SPATA13: variants seen among roughly 807,000 people sequenced by gnomAD.
The protein encoded by SPATA13 is spermatogenesis-associated protein 13.
Under a neutral mutation model 104.0 loss-of-function variants are expected in SPATA13, and 50 were observed. The observed-to-expected ratio is 0.48, with a 90% CI of 0.38 to 0.61. The LOEUF (loss-of-function observed/expected upper bound fraction) is 0.61, where lower values mean the gene tolerates loss of function less well. SPATA13 is among the 20% of genes least tolerant of loss of function. SPATA13 has a pLI of 0.00. For synonymous variants in SPATA13, 606 were observed against 667.5 expected (o/e 0.91, Z 1.42); for missense variants, 1,524 against 1,690.6 (o/e 0.90, Z 1.73).
At chr13:24,246,702 T>C (rs1178367665) in intron 2 of SPATA13, among the ~76,000 whole-genome samples, 2 of 151,916 alleles carry the variant, frequency 1.3e-5, no homozygotes, top group Admixed American at 1.3e-4. Flanking sequence ...TGCTAAAAAA[T>C]GTATATCTAA....
At chr13:24,132,009 G>T (rs1303442402) in intron 3 of SPATA13, among the ~76,000 whole-genome samples, 1 of 152,200 alleles carries the variant, frequency 6.6e-6, no homozygotes, top group African/African-American at 2.4e-5. Context: ...TGTGACCAAG[G>T]TCAGCCAATG....
At chr13:24,292,964 C>G (rs1876496008) in intron 9 of SPATA13, among the ~76,000 whole-genome samples, 1 of 125,274 alleles carries the variant, frequency 8.0e-6, no homozygotes, top group Non-Finnish European at 1.6e-5. Context: ...CCATTGCACT[C>G]CAGCCTGGGT....
rs750076701 is a variant in SPATA13, at chr13:24,222,823, T to C, written c.-107T>C. On this transcript the variant is annotated 5_prime_UTR_variant, in exon 2 of 13. Coordinates refer to ENST00000382108, the MANE Select transcript of SPATA13 (RefSeq NM_001166271.3). ...CTGCTTTGTCTTTCACTGCAGCCCGTGGCCACCCAGGAGCCCGATGTGCAA... is the reference window on the plus strand; with the variant it reads ...CTGCTTTGTCTTTCACTGCAGCCCGCGGCCACCCAGGAGCCCGATGTGCAA... 6.6e-7 allele frequency: 1 copy of C among 1,518,676 alleles called. No homozygotes were observed. Among genetic ancestry groups the C allele is most frequent in the East Asian group, 2.5e-5 (1 of 40,400 alleles). 94.1% of individuals were successfully genotyped at this position (1,518,676 alleles called of 1,614,324 possible).
chr13:24,063,730 T>C (rs576355124), intron 3 of SPATA13, among the ~76,000 whole-genome samples: 72 of 152,248 alleles, frequency 4.7e-4, no homozygotes, highest in South Asian at 1.5e-3. Context: ...GTTTCACCCT[T>C]TATAAAACAA....
chr13:24,032,645 G>C (rs1422121229), intron 3 of SPATA13, among the ~76,000 whole-genome samples: 1 of 152,184 alleles, frequency 6.6e-6, no homozygotes, highest in African/African-American at 2.4e-5. Flanking sequence ...TAAGGCATTA[G>C]AGTTTCAGAA....
intron 4 of SPATA13, among the ~76,000 whole-genome samples, chr13:24,283,022 G>A (rs1325670978): frequency 2.0e-5 from 3 of 152,186 alleles, no homozygotes; most frequent in Admixed American, 1.3e-4. Context: ...AGACCCTTCT[G>A]TGTGCCCCCG....
intron 3 of SPATA13, among the ~76,000 whole-genome samples, chr13:24,120,444 G>A (rs1880998544): frequency 6.6e-6 from 1 of 152,318 alleles, no homozygotes; most frequent in East Asian, 1.9e-4. Context: ...AGCAGCAGTA[G>A]GAGTTAAGTA....
At chr13:24,009,077 C>T in intron 2 of SPATA13, among the ~76,000 whole-genome samples, 1 of 152,150 alleles carries the variant, frequency 6.6e-6, no homozygotes, top group East Asian at 1.9e-4. Flanking sequence ...TGTGGGTACC[C>T]AAGAACTCTG....
chr13:24,197,573 G>C (rs1870134090), intron 1 of SPATA13, among the ~76,000 whole-genome samples: 1 of 152,136 alleles, frequency 6.6e-6, no homozygotes, highest in South Asian at 2.1e-4. Context: ...CTGAAAGATA[G>C]AAATAATTTG....
chr13:24,241,177 AAG>A (rs1385792644), intron 2 of SPATA13, among the ~76,000 whole-genome samples: 1 of 152,250 alleles, frequency 6.6e-6, no homozygotes, highest in East Asian at 1.9e-4. Context: ...GCACATTTGT[AAG>A]AGTGTAGCCC....
rs972030539 is a variant in SPATA13 at position 24,160,791 on chromosome 13, G to A, written c.-253G>A. The A allele has an allele frequency of 2.0e-6, 2 of 985,384 alleles. No homozygotes were observed. The highest frequency in any genetic ancestry group is 3.5e-5 in the African/African-American group (2 of 57,258). The allele number at this position is 985,384 out of a possible 1,614,324, so 61.0% of individuals were successfully genotyped here. ...CCCGCGATCGCCCTGCCGGTCGCTA[G>A]CTCCGAGGGCGCGCACTGGATCCCA... On this transcript the variant is annotated 5_prime_UTR_variant, in exon 1 of 13. Coordinates refer to ENST00000382108, the MANE Select transcript of SPATA13 (RefSeq NM_001166271.3).
chr13:24,163,789 G>A (rs1226003936), intron 1 of SPATA13, among the ~76,000 whole-genome samples: 1 of 152,202 alleles, frequency 6.6e-6, no homozygotes. Flanking sequence ...AGGGCTCAAT[G>A]CCTGGCCCTA....
At chr13:24,192,091 C>A (rs1051799133) in intron 1 of SPATA13, among the ~76,000 whole-genome samples, 2 of 152,140 alleles carry the variant, frequency 1.3e-5, no homozygotes, top group African/African-American at 2.4e-5. Context: ...GCTTCTACCC[C>A]GATCTGTGGC....
At chr13:24,146,499 T>A (rs893896750) in intron 3 of SPATA13, among the ~76,000 whole-genome samples, 1 of 152,208 alleles carries the variant, frequency 6.6e-6, no homozygotes, top group African/African-American at 2.4e-5. Context: ...GGGCGATACA[T>A]AACTAAGTAC....
intron 1 of SPATA13, among the ~76,000 whole-genome samples, chr13:24,168,440 T>G (rs1034868510): frequency 6.6e-6 from 1 of 152,212 alleles, no homozygotes; most frequent in East Asian, 1.9e-4. Context: ...AGTAACCACT[T>G]ACTGTTAAAT....
At chr13:24,042,411 G>A (rs1479217151) in intron 3 of SPATA13, among the ~76,000 whole-genome samples, 8 of 151,002 alleles carry the variant, frequency 5.3e-5, no homozygotes, top group Non-Finnish European at 1.2e-4. Context: ...GCCGCTTTCT[G>A]AGATGTTGCG....
chr13:24,181,491 T>TA (rs1224239897), intron 1 of SPATA13, among the ~76,000 whole-genome samples: 1 of 152,192 alleles, frequency 6.6e-6, no homozygotes, highest in African/African-American at 2.4e-5. Context: ...ATCTTTTTTT[T>TA]ATTAAAATTT....
intron 1 of SPATA13, among the ~76,000 whole-genome samples, chr13:24,214,952 A>G (rs1001600785): frequency 2.0e-5 from 3 of 152,242 alleles, no homozygotes; most frequent in Non-Finnish European, 4.4e-5. Context: ...AGCATCTGAC[A>G]TATTTAAAAC....
intron 3 of SPATA13, among the ~76,000 whole-genome samples, chr13:24,067,770 T>C (rs919361428): frequency 2.0e-5 from 3 of 152,172 alleles, no homozygotes; most frequent in Non-Finnish European, 4.4e-5. Flanking sequence ...AGTGACATGA[T>C]CTCGGGTCAC....
Sources: gnomAD v4.1 joint callset for allele counts (sites outside exome capture counted in the v4.1 genomes callset) on GRCh38, gnomAD v4.1.1 for gene constraint, MANE v1.5 for transcripts, NCBI Gene and HGNC (gene_info 2026-07-23, HGNC 2026-07-21) for gene names.